The following CCDC167 variants were observed in gnomAD, a reference collection of about 807,000 sequenced individuals.
CCDC167 encodes the protein coiled-coil domain-containing protein 167.
In CCDC167, 15 loss-of-function variants were observed where a neutral mutation model predicts 12.7. The observed-to-expected ratio is 1.18, with a 90% CI of 0.79 to 1.81. CCDC167 has a LOEUF of 1.81. Ranked by LOEUF, CCDC167 falls within the 40% of genes most tolerant of loss-of-function variation. CCDC167 has a pLI of 0.00. For missense variants in CCDC167, 121 were observed against 120.1 expected (o/e 1.01, Z -0.03); for synonymous variants, 52 against 49.0 (o/e 1.06, Z -0.26).
At chr6:37,488,992 C>T (rs1252829816) in intron 1 of CCDC167, among the ~76,000 whole-genome samples, 1 of 151,388 alleles carries the variant, frequency 6.6e-6, no homozygotes, top group Non-Finnish European at 1.5e-5. Flanking sequence ...AATTCCAGCA[C>T]CTTGGGAGAC....
chr6:37,484,895 C>T (rs1180569757), intron 2 of CCDC167, 33 bp from the exon 3 acceptor site: 3 of 1,613,740 alleles, frequency 1.9e-6, no homozygotes, highest in Admixed American at 3.3e-5. Flanking sequence ...TGGACCAAAC[C>T]CTTTTCCTTT....
intron 1 of CCDC167, among the ~76,000 whole-genome samples, chr6:37,487,004 G>C (rs1761950679): frequency 6.6e-6 from 1 of 152,194 alleles, no homozygotes; most frequent in Admixed American, 6.5e-5. Flanking sequence ...GCTGTGGCAG[G>C]GGGGTGGGGG....
rs1399282515 is a variant in CCDC167 at position 37,484,769 on chromosome 6, G to T, written c.190+41C>A. 3 of 1,611,706 alleles carry T rather than the reference G, an allele frequency of 1.9e-6. No individual in the cohort carries two copies. In the African/African-American group the frequency reaches 4.0e-5, roughly 22 times the overall value. On this transcript the variant is annotated intron_variant, in intron 3 of 3. Transcript: ENST00000373408. ...GCTTCTGACCCTTCCTGGTTCTGGGGACTGGAGGCTGGGGCTGGTAACTGA... is the reference window on the plus strand; with the variant it reads ...GCTTCTGACCCTTCCTGGTTCTGGGTACTGGAGGCTGGGGCTGGTAACTGA...
intron 1 of CCDC167, among the ~76,000 whole-genome samples, chr6:37,487,674 C>T (rs2113905579): frequency 6.6e-6 from 1 of 152,242 alleles, no homozygotes; most frequent in African/African-American, 2.4e-5. Flanking sequence ...GGTAATTGCC[C>T]CCAGAGCAAG....
intron 1 of CCDC167, among the ~76,000 whole-genome samples, chr6:37,492,348 T>C (rs1762033401): frequency 6.6e-6 from 1 of 152,246 alleles, no homozygotes; most frequent in Non-Finnish European, 1.5e-5. Context: ...CGGAATAATC[T>C]TGTACAAGGC....
At chr6:37,494,056 C>CTTTTTTTTT (rs70977666) in intron 1 of CCDC167, among the ~76,000 whole-genome samples, 8 of 91,386 alleles carry the variant, frequency 8.8e-5, no homozygotes, top group African/African-American at 2.6e-4. Context: ...GTGATCCTGC[C>CTTTTTTTTT]TTTTTTTTTT....
At chr6:37,496,330 G>A (rs1303016497) in intron 1 of CCDC167, among the ~76,000 whole-genome samples, 5 of 152,140 alleles carry the variant, frequency 3.3e-5, no homozygotes, top group Non-Finnish European at 7.3e-5. Context: ...CTTCTCGGGA[G>A]GCTAAGGCAC....
intron 1 of CCDC167, among the ~76,000 whole-genome samples, chr6:37,494,395 G>T (rs1762070996): frequency 6.6e-6 from 1 of 152,142 alleles, no homozygotes; most frequent in African/African-American, 2.4e-5. Context: ...AAGGATTCCA[G>T]TGAATTTTCA....
intron 1 of CCDC167, among the ~76,000 whole-genome samples, chr6:37,495,700 AG>A (rs1254738202): frequency 6.6e-6 from 1 of 152,194 alleles, no homozygotes; most frequent in East Asian, 1.9e-4. Context: ...GCCAGCCCTA[AG>A]GGTGAGTGCT....
rs201478338 is a variant in CCDC167, at chr6:37,494,805, A to ATTTT, written c.42+5013_42+5016dup. Reference sequence around the variant, plus strand: ...AATGCCAGTAGCCACCTACCTACAAATTTTTTTTTTTTTTTTGAGACGGGG... The same window carrying ATTTT: ...AATGCCAGTAGCCACCTACCTACAAATTTTTTTTTTTTTTTTTTTTGAGACGGGG... On this transcript the variant is annotated intron_variant, in intron 1 of 3. Transcript: ENST00000373408. Among the ~76,000 whole-genome samples, 14 of 115,218 alleles carry ATTTT rather than the reference A, an allele frequency of 1.2e-4. 3 individuals are homozygous for ATTTT. Among genetic ancestry groups the ATTTT allele is most frequent in the African/African-American group, 3.5e-4 (9 of 25,614 alleles). The allele number at this position is 115,218 out of a possible 152,430, so 75.6% of individuals were successfully genotyped here. A position where few individuals can be genotyped will look rare whatever the true frequency, so the allele number is the denominator to read the frequency against.
intron 1 of CCDC167, among the ~76,000 whole-genome samples, chr6:37,498,515 T>TTA (rs542549758): frequency 1.2e-4 from 17 of 145,736 alleles, no homozygotes; most frequent in African/African-American, 4.3e-4. Flanking sequence ...GTGTGGCTTG[T>TTA]AAAAAAAAAA....
At chr6:37,499,012 CT>C (rs915800226) in intron 1 of CCDC167, among the ~76,000 whole-genome samples, 1 of 152,132 alleles carries the variant, frequency 6.6e-6, no homozygotes, top group Non-Finnish European at 1.5e-5. Context: ...CTCCTGCAAC[CT>C]CCGGGAGGAT....
chr6:37,492,145 T>C (rs1358165191), intron 1 of CCDC167, among the ~76,000 whole-genome samples: 1 of 152,242 alleles, frequency 6.6e-6, no homozygotes, highest in Non-Finnish European at 1.5e-5. Context: ...GTCGTGTAAC[T>C]GGGAAGGGGC....
chr6:37,492,063 G>A (rs938332085), intron 1 of CCDC167, among the ~76,000 whole-genome samples: 5 of 152,224 alleles, frequency 3.3e-5, no homozygotes, highest in African/African-American at 1.2e-4. Flanking sequence ...CAACCGCCCT[G>A]CAAGGAAGGG....
At chr6:37,489,428 G>A (rs955937063) in intron 1 of CCDC167, among the ~76,000 whole-genome samples, 6 of 152,220 alleles carry the variant, frequency 3.9e-5, no homozygotes, top group African/African-American at 1.4e-4. Context: ...AGGCCAGCTC[G>A]CTCCGCTTAC....
intron 1 of CCDC167, among the ~76,000 whole-genome samples, chr6:37,490,086 G>C (rs567120318): frequency 1.6e-4 from 25 of 152,332 alleles, no homozygotes; most frequent in African/African-American, 6.0e-4. Flanking sequence ...ACAGGGCTGC[G>C]ATCTGCAGGG....
At chr6:37,493,084 T>C (rs1762044618) in intron 1 of CCDC167, among the ~76,000 whole-genome samples, 1 of 152,180 alleles carries the variant, frequency 6.6e-6, no homozygotes, top group South Asian at 2.1e-4. Flanking sequence ...TTTTAATCAA[T>C]GAACAATTTT....
chr6:37,490,737 C>T (rs527431580), intron 1 of CCDC167, among the ~76,000 whole-genome samples: 1 of 152,280 alleles, frequency 6.6e-6, no homozygotes, highest in African/African-American at 2.4e-5. Flanking sequence ...GTGCTGGGGA[C>T]AAGGCCCTAG....
At chr6:37,499,446 T>G (rs1047022921) in intron 1 of CCDC167, among the ~76,000 whole-genome samples, 1 of 152,170 alleles carries the variant, frequency 6.6e-6, no homozygotes, top group African/African-American at 2.4e-5. Context: ...GGAGTTCTCC[T>G]TAGATTCTAC....
Sources: gnomAD v4.1 joint callset for allele counts (sites outside exome capture counted in the v4.1 genomes callset) on GRCh38, gnomAD v4.1.1 for gene constraint, MANE v1.5 for transcripts, NCBI Gene and HGNC (gene_info 2026-07-23, HGNC 2026-07-21) for gene names.